MACROD2: variants seen among roughly 807,000 people sequenced by gnomAD.
MACROD2 encodes mono-ADP ribosylhydrolase 2.
Under a neutral mutation model 70.4 loss-of-function variants are expected in MACROD2, and 36 were observed. The ratio of observed to expected loss-of-function variants is 0.51; its 90% CI spans 0.39 to 0.68. The LOEUF is 0.68. MACROD2 is among the 30% of genes least tolerant of loss of function. The pLI, the probability that MACROD2 is intolerant of heterozygous loss-of-function variation, is 0.00. For missense variants in MACROD2, 496 were observed against 538.4 expected (o/e 0.92, Z 0.78); for synonymous variants, 172 against 178.8 (o/e 0.96, Z 0.30).
chr20:14,165,192 T>C (rs1328509016), intron 3 of MACROD2, among the ~76,000 whole-genome samples: 1 of 152,176 alleles, frequency 6.6e-6, no homozygotes, highest in East Asian at 1.9e-4. Context: ...GAGCTCTCTC[T>C]GGAGCAATAC....
At chr20:14,229,967 ATTATGT>A (rs1417385815) in intron 3 of MACROD2, among the ~76,000 whole-genome samples, 2 of 152,228 alleles carry the variant, frequency 1.3e-5, no homozygotes, top group Non-Finnish European at 2.9e-5. Flanking sequence ...TGCAAATAAA[ATTATGT>A]TTATACTATA....
At chr20:15,041,224 G>T (rs1466287825) in intron 5 of MACROD2, among the ~76,000 whole-genome samples, 2 of 152,096 alleles carry the variant, frequency 1.3e-5, no homozygotes, top group South Asian at 4.1e-4. Flanking sequence ...TCTAGAAAGG[G>T]CGTGACAAAT....
intron 5 of MACROD2, among the ~76,000 whole-genome samples, chr20:14,835,037 C>T (rs2073013936): frequency 6.6e-6 from 1 of 151,942 alleles, no homozygotes; most frequent in Non-Finnish European, 1.5e-5. Flanking sequence ...AGCTGACTCT[C>T]CCCTTTATGT....
intron 2 of MACROD2, among the ~76,000 whole-genome samples, chr20:14,062,862 G>A (rs2053706292): frequency 6.6e-6 from 1 of 152,140 alleles, no homozygotes; most frequent in African/African-American, 2.4e-5. Context: ...GGATAAACAA[G>A]GACCTTTAAA....
Position 14,995,469 on chromosome 20 carries a change from A to C in MACROD2, c.419-234471A>C, listed in dbSNP as rs1051018976. Among the ~76,000 whole-genome samples, 4 of 152,134 alleles carry C rather than the reference A, an allele frequency of 2.6e-5. No individual in the cohort carries two copies. In the East Asian group the frequency reaches 7.7e-4, roughly 29 times the overall value. On this transcript the variant is annotated intron_variant, in intron 5 of 17. Transcript: ENST00000684519. The stretch of plus-strand genomic sequence containing the variant: ...GGCAGGAAGATTGCTTGCACCAAGG[A>C]GTTCAAGCCCAGCCTAGGCAGCGAA...
At chr20:15,757,843 C>G (rs929047011) in intron 8 of MACROD2, among the ~76,000 whole-genome samples, 4 of 152,304 alleles carry the variant, frequency 2.6e-5, no homozygotes, top group African/African-American at 9.6e-5. Context: ...AAGACTTCAT[C>G]TAACTTTAAC....
At chr20:14,170,536 T>G (rs977373629) in intron 3 of MACROD2, among the ~76,000 whole-genome samples, 1 of 152,210 alleles carries the variant, frequency 6.6e-6, no homozygotes, top group South Asian at 2.1e-4. Flanking sequence ...TCGATTTTGT[T>G]GAGGGTTTTC....
chr20:15,529,003 T>TAATA (rs1186452014), intron 8 of MACROD2, among the ~76,000 whole-genome samples: 1 of 152,162 alleles, frequency 6.6e-6, no homozygotes, highest in African/African-American at 2.4e-5. Context: ...ATGTAACTAT[T>TAATA]AATATATCTT....
intron 5 of MACROD2, among the ~76,000 whole-genome samples, chr20:14,742,436 G>A (rs947599546): frequency 9.9e-6 from 1 of 100,736 alleles, no homozygotes; most frequent in Non-Finnish European, 2.1e-5. Flanking sequence ...TATAATAAAG[G>A]TCTGGAAATG....
At chr20:14,345,259 A>G (rs2083051729) in intron 3 of MACROD2, among the ~76,000 whole-genome samples, 1 of 151,920 alleles carries the variant, frequency 6.6e-6, no homozygotes, top group Non-Finnish European at 1.5e-5. Flanking sequence ...GTCACTCATT[A>G]TTATTGTCAT....
chr20:15,210,431 C>T (rs1006458115), intron 5 of MACROD2, among the ~76,000 whole-genome samples: 1 of 152,116 alleles, frequency 6.6e-6, no homozygotes, highest in Non-Finnish European at 1.5e-5. Context: ...ATATTCTGGG[C>T]ACAGTCAATA....
chr20:15,658,648 G>A (rs1006837001), intron 8 of MACROD2, among the ~76,000 whole-genome samples: 1 of 152,078 alleles, frequency 6.6e-6, no homozygotes, highest in African/African-American at 2.4e-5. Flanking sequence ...GACTGAGCAG[G>A]GCTACCCAAC....
At chr20:15,959,491 G>C (rs1405403887) in intron 12 of MACROD2, among the ~76,000 whole-genome samples, 1 of 152,166 alleles carries the variant, frequency 6.6e-6, no homozygotes, top group African/African-American at 2.4e-5. Context: ...AATGGATCTA[G>C]AATAATGCCA....
At chr20:14,969,823 T>G (rs904816506) in intron 5 of MACROD2, among the ~76,000 whole-genome samples, 4 of 152,268 alleles carry the variant, frequency 2.6e-5, no homozygotes, top group Admixed American at 2.6e-4. Context: ...AAATGATACT[T>G]TATTCACTGG....
intron 5 of MACROD2, among the ~76,000 whole-genome samples, chr20:14,996,628 A>T (rs1294291813): frequency 6.6e-6 from 1 of 152,040 alleles, no homozygotes; most frequent in East Asian, 1.9e-4. Context: ...AGCCAACACC[A>T]CCCCTTCCTC....
chr20:15,708,088 A>T (rs1201234294), intron 8 of MACROD2, among the ~76,000 whole-genome samples: 2 of 140,936 alleles, frequency 1.4e-5, no homozygotes, highest in Non-Finnish European at 3.2e-5. Flanking sequence ...CAGAAGAGGC[A>T]TTGTAATAGT....
chr20:15,730,274 A>G (rs2050927908), intron 8 of MACROD2, among the ~76,000 whole-genome samples: 1 of 152,146 alleles, frequency 6.6e-6, no homozygotes, highest in African/African-American at 2.4e-5. Flanking sequence ...ACTTGATTGT[A>G]TGGTTGCTTT....
chr20:15,820,100 G>T (rs1334381171), intron 8 of MACROD2, among the ~76,000 whole-genome samples: 1 of 151,934 alleles, frequency 6.6e-6, no homozygotes, highest in Non-Finnish European at 1.5e-5. Flanking sequence ...TATCCTAGGA[G>T]AAGCGACACT....
At chr20:14,976,601 C>A (rs2074741815) in intron 5 of MACROD2, among the ~76,000 whole-genome samples, 1 of 152,148 alleles carries the variant, frequency 6.6e-6, no homozygotes, top group South Asian at 2.1e-4. Flanking sequence ...GTCTGGGGAA[C>A]AGGATGTGGA....
Sources: allele counts gnomAD v4.1 joint callset (sites outside exome capture counted in the v4.1 genomes callset), GRCh38; gene constraint gnomAD v4.1.1; transcripts MANE v1.5; gene names NCBI Gene and HGNC (gene_info 2026-07-23, HGNC 2026-07-21).